The following AOPEP variants were observed in gnomAD, a reference collection of about 807,000 sequenced individuals.
AOPEP encodes the protein aminopeptidase O.
A neutral mutation model predicts 98.1 loss-of-function variants in AOPEP; 77 were observed. The observed-to-expected ratio is 0.78, with a 90% confidence interval of 0.65 to 0.95. The LOEUF is 0.95. AOPEP is among the 40% of genes least tolerant of loss of function. The pLI is 0.00. For missense variants in AOPEP, 1,024 were observed against 1,024.7 expected (o/e 1.00, Z 0.01); for synonymous variants, 346 against 365.3 (o/e 0.95, Z 0.60).
Position 94,924,152 on chromosome 9 carries a change from G to A in AOPEP, c.1531G>A (p.Val511Met), listed in dbSNP as rs143583642. ...SEGFATHLEDVFWATAQQLAP... is the reference protein window; with the variant it reads ...SEGFATHLEDMFWATAQQLAP... ...AGGCTTCGCCACTCACTTGGAGGATGTGTTTTGGGCCACAGCACAGCAGGT... is the reference window on the plus strand; with the variant it reads ...AGGCTTCGCCACTCACTTGGAGGATATGTTTTGGGCCACAGCACAGCAGGT... Residue 511 changes from valine (V) to methionine (M), a missense_variant, in exon 6 of 17, where the codon GTG becomes ATG. This residue lies in a region of AOPEP where 566 missense variants were observed against 551.7 expected (regional missense o/e 1.03). Transcript: ENST00000375315. 118 of 1,454,948 alleles carry A rather than the reference G, an allele frequency of 8.1e-5. No homozygotes were observed. The East Asian group carries it at 3.2e-3, about 39-fold the overall frequency. The allele number at this position is 1,454,948 out of a possible 1,614,324, so 90.1% of individuals were successfully genotyped here.
In AOPEP at chr9:94,757,906, C is replaced by A. The variant is rs147169874; in HGVS notation, c.-135-1743C>A. ...ACATAGAAATAGCCAATGGATTTAT[C>A]GAAGGTTATTATTCAAAATGACAGG... is the stretch of plus-strand genomic sequence containing the variant. On this transcript the variant is annotated intron_variant, in intron 1 of 16. Coordinates refer to ENST00000375315, the MANE Select transcript of AOPEP (RefSeq NM_001193329.3). Among the ~76,000 whole-genome samples the A allele has an allele frequency of 1.6e-3, 237 of 152,262 alleles. 1 individual carries two copies. The highest frequency in any genetic ancestry group is 5.2e-3 in the African/African-American group (217 of 41,548).
At chr9:94,779,581 G>A (rs948213909) in intron 3 of AOPEP, among the ~76,000 whole-genome samples, 5 of 151,670 alleles carry the variant, frequency 3.3e-5, no homozygotes, top group East Asian at 1.9e-4. Flanking sequence ...TTACACATCC[G>A]TAAAGCCAAA....
At chr9:95,106,084 G>A in the AOPEP span, among the ~76,000 whole-genome samples, 7 of 152,150 alleles carry the variant, frequency 4.6e-5, no homozygotes, top group Non-Finnish European at 7.4e-5. Flanking sequence ...TGTCCCCACC[G>A]GGAAGCATAT....
chr9:94,950,636 G>A (rs2058036715), intron 7 of AOPEP, among the ~76,000 whole-genome samples: 1 of 152,238 alleles, frequency 6.6e-6, no homozygotes, highest in South Asian at 2.1e-4. Context: ...TGGGGCAGCT[G>A]CGACTAACAG....
At chr9:95,028,251 T>A (rs2064002976) in intron 13 of AOPEP, among the ~76,000 whole-genome samples, 1 of 152,256 alleles carries the variant, frequency 6.6e-6, no homozygotes, top group Admixed American at 6.5e-5. Context: ...CCAGAGGCAC[T>A]TTTGTCATGT....
chr9:94,731,790 C>CTTTTTT lies in AOPEP; in HGVS notation c.-136+5057_-136+5062dup, dbSNP rs564831468. On this transcript the variant is annotated intron_variant, in intron 1 of 16. Coordinates refer to ENST00000375315, the MANE Select transcript of AOPEP (RefSeq NM_001193329.3). ...TTTTCCCTAGTCTGTTCTCTTTTGC[C>CTTTTTT]TTTTTTTTTTTTTTTTTTTTTTTGA... is the stretch of plus-strand genomic sequence containing the variant. Among the ~76,000 whole-genome samples the CTTTTTT allele has an allele frequency of 8.5e-4, 73 of 86,262 alleles. 1 individual carries two copies. Among genetic ancestry groups the CTTTTTT allele is most frequent in the African/African-American group, 1.7e-3 (32 of 19,350 alleles). The allele number at this position is 86,262 out of a possible 152,430, so 56.6% of individuals were successfully genotyped here. A position where few individuals can be genotyped will look rare whatever the true frequency, so the allele number is the denominator to read the frequency against.
At chr9:94,754,238 G>A (rs750613757) in intron 1 of AOPEP, among the ~76,000 whole-genome samples, 5 of 152,186 alleles carry the variant, frequency 3.3e-5, no homozygotes, top group Non-Finnish European at 7.4e-5. Flanking sequence ...GCATTTGAGT[G>A]TGTGAAGAAT....
At chr9:94,989,013 A>G (rs1218534624) in intron 11 of AOPEP, among the ~76,000 whole-genome samples, 3 of 151,530 alleles carry the variant, frequency 2.0e-5, no homozygotes, top group Admixed American at 1.3e-4. Context: ...GGTTCAAGCA[A>G]TTCTCCTGCC....
chr9:94,908,539 GGCTGGCTGCTTGACTTT>G (rs2051517778), intron 5 of AOPEP, among the ~76,000 whole-genome samples: 1 of 152,158 alleles, frequency 6.6e-6, no homozygotes, highest in South Asian at 2.1e-4. Flanking sequence ...CCAGGTACTG[GGCTGGCTGCTTGACTTT>G]CATTCTTTCC....
At position 94,802,663 on chromosome 9, in the gene AOPEP, C is replaced by T. The variant is rs1848439097; in HGVS notation, c.1364+1661C>T. On this transcript the variant is annotated intron_variant, in intron 5 of 16. Transcript: ENST00000375315. Reference sequence around the variant, plus strand: ...TTGAAAAATATGGTGGTGATCATAACTTAGCAACAACAAGACTGCTTTTAT... The same window carrying T: ...TTGAAAAATATGGTGGTGATCATAATTTAGCAACAACAAGACTGCTTTTAT... 2.6e-5 allele frequency among the ~76,000 whole-genome samples: 4 copies of T among 152,190 alleles called. No individual in the cohort carries two copies. The South Asian group carries it at 8.3e-4, about 32-fold the overall frequency.
chr9:95,140,476 AAAAACAAAAC>A, the AOPEP span, among the ~76,000 whole-genome samples: 1 of 151,634 alleles, frequency 6.6e-6, no homozygotes, highest in Non-Finnish European at 1.5e-5. Context: ...ATAGCTACAA[AAAAACAAAAC>A]AAAACAAAAC....
intron 3 of AOPEP, among the ~76,000 whole-genome samples, chr9:94,776,789 CTT>C (rs1261288795): frequency 1.3e-5 from 2 of 152,016 alleles, no homozygotes; most frequent in African/African-American, 4.8e-5. Context: ...TTCTCTATAA[CTT>C]TTTGTATTAT....
intron 11 of AOPEP, among the ~76,000 whole-genome samples, chr9:94,987,293 T>C (rs576458561): frequency 1.3e-5 from 2 of 152,358 alleles, no homozygotes; most frequent in African/African-American, 2.4e-5. Flanking sequence ...GCAGAGACAG[T>C]GTAAGTACCA....
chr9:94,786,433 A>G (rs1363269862), intron 3 of AOPEP, among the ~76,000 whole-genome samples: 1 of 152,236 alleles, frequency 6.6e-6, no homozygotes, highest in Non-Finnish European at 1.5e-5. Context: ...TTCTCTTGCA[A>G]GGTAGGCTTA....
chr9:94,727,520 C>CA (rs911840219), intron 1 of AOPEP, among the ~76,000 whole-genome samples: 3 of 151,590 alleles, frequency 2.0e-5, no homozygotes, highest in Admixed American at 6.6e-5. Flanking sequence ...GTTTAGATCG[C>CA]AAAAAAACAA....
At chr9:94,826,664 A>G (rs148973143) in intron 5 of AOPEP, among the ~76,000 whole-genome samples, 195 of 152,286 alleles carry the variant, frequency 1.3e-3, no homozygotes, top group Non-Finnish European at 2.5e-3. Flanking sequence ...TTCTTTTTCT[A>G]GCAGCTAGGG....
At chr9:94,761,957 T>A (rs556315340) in intron 2 of AOPEP, among the ~76,000 whole-genome samples, 1 of 152,330 alleles carries the variant, frequency 6.6e-6, no homozygotes, top group Admixed American at 6.5e-5. Context: ...AATTATAGTT[T>A]TTATACTCCT....
intron 5 of AOPEP, among the ~76,000 whole-genome samples, chr9:94,896,182 A>G (rs1419367211): frequency 3.3e-5 from 5 of 152,266 alleles, no homozygotes; most frequent in African/African-American, 9.6e-5. Flanking sequence ...ATGGATGGTT[A>G]CAAAATAAAC....
intron 5 of AOPEP, among the ~76,000 whole-genome samples, chr9:94,909,651 A>G (rs1349446496): frequency 5.3e-5 from 8 of 152,174 alleles, no homozygotes; most frequent in Non-Finnish European, 8.8e-5. Context: ...GTCCATCTCA[A>G]AAGCCTGTGT....
Sources: allele counts gnomAD v4.1 joint callset (sites outside exome capture counted in the v4.1 genomes callset), GRCh38; gene constraint gnomAD v4.1.1; regional missense constraint gnomAD v4.1.1; transcripts MANE v1.5; gene names NCBI Gene and HGNC (gene_info 2026-07-23, HGNC 2026-07-21).